The following THAP3 variants were observed in gnomAD, a reference collection of about 807,000 sequenced individuals.
THAP3 encodes the protein THAP domain containing 3.
Under a neutral mutation model 17.7 loss-of-function variants are expected in THAP3, and 12 were observed. The observed-to-expected ratio is 0.68, with a 90% CI of 0.43 to 1.10. The LOEUF is 1.10. Among genes scored for constraint, THAP3 ranks in the 50% least tolerant of loss-of-function variants. The pLI is 0.00. For missense variants in THAP3, 289 were observed against 318.0 expected (o/e 0.91, Z 0.69); for synonymous variants, 133 against 126.9 (o/e 1.05, Z -0.32).
At chr1:6,628,413 C>A (rs1641518952) in intron 2 of THAP3, 86 bp from the exon 3 acceptor site, 1 of 1,114,802 alleles carries the variant, frequency 9.0e-7, no homozygotes, top group Non-Finnish European at 1.3e-6. Flanking sequence ...CAGGGAAGTA[C>A]TCTGTAGTGA....
intron 5 of THAP3, 76 bp from the exon 6 acceptor site, chr1:6,632,718 CGT>C (rs781243469): frequency 1.9e-6 from 3 of 1,559,762 alleles, no homozygotes; most frequent in African/African-American, 1.4e-5. Flanking sequence ...GTGCTGTGTG[CGT>C]GTCTGGTGGC....
chr1:6,628,537 T>C lies in THAP3; in HGVS notation c.113T>C (p.Val38Ala), dbSNP rs1641522925. Reference sequence around the variant, plus strand: ...CGCCCGGAGCTGCTGAAGGAATGGGTGCTGAACATCGGCCGGGGCAACTTC... The same window carrying C: ...CGCCCGGAGCTGCTGAAGGAATGGGCGCTGAACATCGGCCGGGGCAACTTC... ...FSRPELLKEW[V>A]LNIGRGNFKP... is the part of the protein sequence containing the mutation. The change falls in exon 3 of 6, where the codon GTG becomes GCG. Residue 38 changes from valine to alanine, a missense_variant. Coordinates refer to ENST00000054650, the MANE Select transcript of THAP3 (RefSeq NM_001195753.2). The C allele has an allele frequency of 1.2e-6, 2 of 1,613,780 alleles. No homozygotes were observed. Among genetic ancestry groups the C allele is most frequent in the Admixed American group, 1.7e-5 (1 of 60,002 alleles).
chr1:6,630,402 T>C, intron 4 of THAP3, 49 bp downstream of exon 4: 1 of 1,592,230 alleles, frequency 6.3e-7, no homozygotes. Flanking sequence ...TGCTGTGGGT[T>C]GAGACAGGGA....
At chr1:6,633,607 C>G, downstream of THAP3, 2 of 1,080,696 alleles carry the variant, frequency 1.9e-6, no homozygotes, top group Non-Finnish European at 2.3e-6. Flanking sequence ...GTGATTCCTT[C>G]TAAGAAGACT....
At chr1:6,625,497 A>G (rs1641443962) in intron 2 of THAP3, among the ~76,000 whole-genome samples, 2 of 151,628 alleles carry the variant, frequency 1.3e-5, no homozygotes, top group Admixed American at 6.6e-5. Context: ...GCAGCGGCGC[A>G]CCTGGCGGGG....
downstream of THAP3, chr1:6,633,890 C>T: frequency 1.2e-6 from 1 of 812,030 alleles, no homozygotes; most frequent in African/African-American, 1.7e-5. Context: ...AGTATTGTCA[C>T]TGGGTGACAG....
intron 4 of THAP3, 108 bp downstream of exon 4, chr1:6,630,461 C>T: frequency 9.3e-7 from 1 of 1,079,488 alleles, no homozygotes; most frequent in Non-Finnish European, 1.4e-6. Context: ...CGCCTTTCCT[C>T]ATATGCCAGT....
downstream of THAP3, chr1:6,634,754 G>A (rs777089105): frequency 7.4e-7 from 1 of 1,343,422 alleles, no homozygotes; most frequent in East Asian, 4.8e-5. Context: ...GAGGACGCTG[G>A]ACCTGCAGGA....
In THAP3 at chr1:6,630,807, G is replaced by A. The variant is rs2148719537; in HGVS notation, c.333+454G>A. On this transcript the variant is annotated intron_variant, in intron 4 of 5. Coordinates refer to ENST00000054650, the MANE Select transcript of THAP3 (RefSeq NM_001195753.2). ...GGCTGGTCTCGAACTCCTGACCTCAGGTGATCCACCCACCTCTGCCTCACA... is the reference window on the plus strand; with the variant it reads ...GGCTGGTCTCGAACTCCTGACCTCAAGTGATCCACCCACCTCTGCCTCACA... Among the ~76,000 whole-genome samples the A allele has an allele frequency of 2.0e-5, 3 of 152,160 alleles. 1 individual carries two copies. In the Middle Eastern group the frequency reaches 0.01, roughly 518 times the overall value.
downstream of THAP3, among the ~76,000 whole-genome samples, chr1:6,633,809 C>A (rs1350099378): frequency 6.6e-6 from 1 of 151,950 alleles, no homozygotes; most frequent in Non-Finnish European, 1.5e-5. Flanking sequence ...ACCTGGGAGG[C>A]TGAGACAGGA....
At chr1:6,633,974 A>G, downstream of THAP3, 1 of 1,566,892 alleles carries the variant, frequency 6.4e-7, no homozygotes, top group South Asian at 1.2e-5. Flanking sequence ...ATTAAAGAAA[A>G]AAGTTCTAGC....
downstream of THAP3, chr1:6,634,808 C>T (rs779672675): frequency 4.3e-5 from 55 of 1,279,884 alleles, no homozygotes; most frequent in Non-Finnish European, 5.4e-5. Flanking sequence ...CGGGCCGGGC[C>T]TGGGGTCCAC....
rs1180445321 is a variant in THAP3 at position 6,630,363 on chromosome 1, C to T, written c.333+10C>T. On this transcript the variant is annotated intron_variant, in intron 4 of 5. Transcript: ENST00000054650. ...TTCTCAGAAAGAAAAGGTGAGTGCA[C>T]CGGGCCAGGTACTTGAATGTTTAAA... is the stretch of plus-strand genomic sequence containing the variant. 1 of 1,613,688 alleles carries T rather than the reference C, an allele frequency of 6.2e-7. No homozygotes were observed. Among genetic ancestry groups the T allele is most frequent in the African/African-American group, 1.3e-5 (1 of 75,020 alleles).
intron 2 of THAP3, among the ~76,000 whole-genome samples, chr1:6,626,807 C>T (rs1348709476): frequency 6.6e-6 from 1 of 152,278 alleles, no homozygotes; most frequent in Non-Finnish European, 1.5e-5. Flanking sequence ...GATCGCACCA[C>T]TACACTCCAT....
chr1:6,626,142 T>C (rs1270875384), intron 2 of THAP3, among the ~76,000 whole-genome samples: 1 of 151,860 alleles, frequency 6.6e-6, no homozygotes, highest in African/African-American at 2.4e-5. Flanking sequence ...ACCCTACCTC[T>C]ACAAATAATT....
intron 3 of THAP3, among the ~76,000 whole-genome samples, chr1:6,629,384 G>T (rs993910102): frequency 6.6e-5 from 10 of 152,166 alleles, no homozygotes; most frequent in African/African-American, 2.4e-4. Context: ...AGAACAAAGC[G>T]GCCACGTAGC....
intron 2 of THAP3, 72 bp downstream of exon 2, chr1:6,625,364 G>A (rs1641436770): frequency 7.1e-7 from 1 of 1,404,260 alleles, no homozygotes; most frequent in African/African-American, 1.5e-5. Flanking sequence ...AGGCCTTGGC[G>A]CGCCGGGCGG....
At chr1:6,634,758 T>G, downstream of THAP3, 2 of 1,339,284 alleles carry the variant, frequency 1.5e-6, no homozygotes, top group Non-Finnish European at 2.0e-6. Flanking sequence ...ACGCTGGACC[T>G]GCAGGAGCGG....
chr1:6,625,707 G>T (rs575160426), intron 2 of THAP3, among the ~76,000 whole-genome samples: 1 of 151,832 alleles, frequency 6.6e-6, no homozygotes. Flanking sequence ...GCAGGGTCGC[G>T]GGAGGACGCT....
Sources: allele counts gnomAD v4.1 joint callset (sites outside exome capture counted in the v4.1 genomes callset), GRCh38; gene constraint gnomAD v4.1.1; transcripts MANE v1.5; gene names NCBI Gene and HGNC (gene_info 2026-07-23, HGNC 2026-07-21).